GRIA3: variants seen among roughly 807,000 people sequenced by gnomAD.
GRIA3 encodes the protein glutamate ionotropic receptor AMPA type subunit 3, also known as glutamate receptor 3.
GRIA3 carries 3 observed loss-of-function variants against 63.0 expected under a neutral mutation model. That is an observed-to-expected ratio of 0.05 (90% CI 0.02 to 0.12). The LOEUF (loss-of-function observed/expected upper bound fraction) is 0.12. Ranked by LOEUF, GRIA3 falls within the 10% of genes least tolerant of loss-of-function variation. The probability of loss-of-function intolerance (pLI) is 1.00; values close to 1 mark genes in which losing one functional copy is unlikely to be tolerated. For missense variants in GRIA3, 347 were observed against 700.9 expected (o/e 0.50, Z 5.70); for synonymous variants, 274 against 257.9 (o/e 1.06, Z -0.60).
At chrX:123,463,676 GAAAGAA>G (rs1380725185) in intron 12 of GRIA3, among the ~76,000 whole-genome samples, 1,227 of 55,256 alleles carry the variant, frequency 0.022, 113 homozygotes, top group African/African-American at 0.061. Context: ...AAGAAAGAAA[GAAAGAA>G]AGAGAGAGAA....
chrX:123,205,955 C>T (rs1927876285), intron 2 of GRIA3, among the ~76,000 whole-genome samples: 1 of 111,812 alleles, frequency 8.9e-6, no homozygotes, highest in Non-Finnish European at 1.9e-5. Context: ...ACTCCTACTG[C>T]TCCTGCGTTG....
intron 5 of GRIA3, among the ~76,000 whole-genome samples, chrX:123,386,718 CT>C (rs1481167680): frequency 8.0e-5 from 9 of 111,912 alleles, no homozygotes; most frequent in Admixed American, 6.6e-4. Context: ...AGAGGGTGCC[CT>C]TTCCCCAGTG....
At chrX:123,331,319 G>A (rs142182971) in intron 4 of GRIA3, among the ~76,000 whole-genome samples, 2 of 111,892 alleles carry the variant, frequency 1.8e-5, no homozygotes, top group Non-Finnish European at 3.8e-5. Flanking sequence ...CAGAAACCCC[G>A]GCTGTCACTT....
chrX:123,431,208 G>T (rs1231653271), intron 12 of GRIA3, among the ~76,000 whole-genome samples: 1 of 112,250 alleles, frequency 8.9e-6, no homozygotes, highest in African/African-American at 3.2e-5. Flanking sequence ...AGACAGCCTA[G>T]GGCCAGCCCT....
intron 5 of GRIA3, among the ~76,000 whole-genome samples, chrX:123,384,715 C>A (rs2045344968): frequency 8.9e-6 from 1 of 112,120 alleles, no homozygotes; most frequent in African/African-American, 3.2e-5. Flanking sequence ...GATGGTATCT[C>A]ACTGTGGTTT....
intron 3 of GRIA3, among the ~76,000 whole-genome samples, chrX:123,312,329 G>A (rs2044799478): frequency 8.9e-6 from 1 of 112,201 alleles, no homozygotes; most frequent in African/African-American, 3.2e-5. Context: ...TGAGAGCTCG[G>A]AATCTTCGTT....
intron 10 of GRIA3, among the ~76,000 whole-genome samples, chrX:123,416,758 T>G (rs765987600): frequency 8.8e-6 from 1 of 113,190 alleles, no homozygotes; most frequent in Non-Finnish European, 1.9e-5. Flanking sequence ...TATACAGTAA[T>G]CAACAACTTA....
chrX:123,184,291 A>G lies in GRIA3; in HGVS notation c.-245A>G, dbSNP rs1273744084. 5.2e-6 allele frequency: 2 copies of G among 386,730 alleles called. No homozygotes were observed. 31.9% of individuals were successfully genotyped at this position (386,730 alleles called of 1,213,427 possible). A position where few individuals can be genotyped will look rare whatever the true frequency, so the allele number is the denominator to read the frequency against. On this transcript the variant is annotated 5_prime_UTR_variant, in exon 1 of 16. Coordinates refer to ENST00000620443, the MANE Select transcript of GRIA3 (RefSeq NM_007325.5). ...GAGAGAGGGAGCAAGAAAGGAAGAGAGAGCGAGCGAGAGAGAGCGAGCGAA... is the reference window on the plus strand; with the variant it reads ...GAGAGAGGGAGCAAGAAAGGAAGAGGGAGCGAGCGAGAGAGAGCGAGCGAA...
intron 5 of GRIA3, among the ~76,000 whole-genome samples, chrX:123,388,557 T>G (rs1166943300): frequency 8.9e-6 from 1 of 112,511 alleles, no homozygotes; most frequent in South Asian, 3.7e-4. Context: ...ATTTTTCATA[T>G]TTCTGTGGTA....
intron 7 of GRIA3, among the ~76,000 whole-genome samples, chrX:123,402,397 A>G (rs200122619): frequency 0.012 from 262 of 22,442 alleles, no homozygotes; most frequent in Non-Finnish European, 0.017. Flanking sequence ...GTGTGTGTGT[A>G]TATATATATA....
chrX:123,463,611 GGA>G (rs2045809462), intron 12 of GRIA3, among the ~76,000 whole-genome samples: 7 of 12,129 alleles, frequency 5.8e-4, no homozygotes, highest in African/African-American at 3.3e-3. Flanking sequence ...AGGGAGGGAG[GGA>G]AAGAAAGAAA....
At chrX:123,304,544 G>A (rs1254031862) in intron 3 of GRIA3, among the ~76,000 whole-genome samples, 1 of 111,222 alleles carries the variant, frequency 9.0e-6, no homozygotes, top group East Asian at 2.8e-4. Context: ...CAGTGCCTTC[G>A]AAGTGCCAAA....
intron 2 of GRIA3, among the ~76,000 whole-genome samples, chrX:123,213,288 G>T (rs1347467012): frequency 1.8e-5 from 2 of 112,337 alleles, no homozygotes; most frequent in Non-Finnish European, 3.8e-5. Context: ...AATTGCATTG[G>T]TTGTTTCATA....
intron 3 of GRIA3, among the ~76,000 whole-genome samples, chrX:123,316,775 C>T (rs746396335): frequency 2.7e-5 from 3 of 112,287 alleles, no homozygotes; most frequent in African/African-American, 9.7e-5. Context: ...GACACAAATA[C>T]AGTCATGCGC....
chrX:123,451,517 A>T (rs2045731561), intron 12 of GRIA3, among the ~76,000 whole-genome samples: 1 of 94,107 alleles, frequency 1.1e-5, no homozygotes, highest in African/African-American at 4.7e-5. Flanking sequence ...AAAAAAAAAA[A>T]AAAAAAAAAA....
chrX:123,389,473 T>G (rs138357774), intron 5 of GRIA3, among the ~76,000 whole-genome samples: 3 of 110,475 alleles, frequency 2.7e-5, no homozygotes, highest in African/African-American at 9.9e-5. Context: ...ACCTTCTTTG[T>G]CTCCTTTCAC....
intron 12 of GRIA3, among the ~76,000 whole-genome samples, chrX:123,443,107 C>G (rs781254477): frequency 9.0e-6 from 1 of 111,498 alleles, no homozygotes; most frequent in Admixed American, 9.5e-5. Context: ...TTGGCACTGT[C>G]GCATTGATGC....
At chrX:123,302,881 CTCTG>C (rs1308959121) in intron 3 of GRIA3, among the ~76,000 whole-genome samples, 1 of 110,851 alleles carries the variant, frequency 9.0e-6, no homozygotes, top group African/African-American at 3.3e-5. Context: ...CAATTCTATC[CTCTG>C]TCTAAGTCTA....
chrX:123,309,814 G>A (rs143221231), intron 3 of GRIA3, among the ~76,000 whole-genome samples: 3 of 111,719 alleles, frequency 2.7e-5, no homozygotes, highest in African/African-American at 9.8e-5. Context: ...CTCTGGTGGG[G>A]TCTCCAAGCT....
Sources: gnomAD v4.1 joint callset for allele counts (sites outside exome capture counted in the v4.1 genomes callset) on GRCh38, gnomAD v4.1.1 for gene constraint, MANE v1.5 for transcripts, NCBI Gene and HGNC (gene_info 2026-07-23, HGNC 2026-07-21) for gene names.